Variants in ST3GAL1 observed in about 807,000 individuals in gnomAD.
The protein encoded by ST3GAL1 is ST3 beta-galactoside alpha-2,3-sialyltransferase 1, also known as CMP-N-acetylneuraminate-beta-galactosamide-alpha-2,3-sialyltransferase 1.
A neutral mutation model predicts 34.1 loss-of-function variants in ST3GAL1; 16 were observed. That is an observed-to-expected ratio of 0.47 (90% CI 0.32 to 0.71). The LOEUF (loss-of-function observed/expected upper bound fraction) is 0.71, where lower values mean the gene tolerates loss of function less well. ST3GAL1 is among the 30% of genes least tolerant of loss of function. The pLI is 0.04. For missense variants in ST3GAL1, 353 were observed against 447.4 expected (o/e 0.79, Z 1.90); for synonymous variants, 191 against 184.7 (o/e 1.03, Z -0.28).
intron 2 of ST3GAL1, among the ~76,000 whole-genome samples, chr8:133,503,686 C>T (rs928015600): frequency 2.6e-5 from 4 of 152,082 alleles, no homozygotes; most frequent in African/African-American, 7.2e-5. Context: ...TAGGCCTTAT[C>T]GTTAACAAGG....
chr8:133,488,690 G>A (rs1344270503), intron 3 of ST3GAL1, among the ~76,000 whole-genome samples: 2 of 152,260 alleles, frequency 1.3e-5, no homozygotes, highest in Non-Finnish European at 2.9e-5. Flanking sequence ...TGATGTCTGG[G>A]GGAAGTGGTA....
intron 3 of ST3GAL1, chr8:133,487,938 A>G (rs1480240795): frequency 6.7e-6 from 1 of 148,790 alleles, no homozygotes; most frequent in Middle Eastern, 3.2e-3. Context: ...ACTGCATTCT[A>G]GCCTGGGCAA....
intron 1 of ST3GAL1, among the ~76,000 whole-genome samples, chr8:133,557,410 C>T (rs527993900): frequency 6.6e-6 from 1 of 152,246 alleles, no homozygotes; most frequent in East Asian, 1.9e-4. Context: ...TCTAGGGCAC[C>T]CTGAGCAGCC....
intron 2 of ST3GAL1, among the ~76,000 whole-genome samples, chr8:133,522,580 C>T (rs1001428593): frequency 1.3e-5 from 2 of 152,142 alleles, no homozygotes; most frequent in Non-Finnish European, 2.9e-5. Context: ...TACCCTGTAC[C>T]CCAGCTGGTC....
At chr8:133,495,093 T>A (rs531811460) in intron 3 of ST3GAL1, among the ~76,000 whole-genome samples, 1 of 152,044 alleles carries the variant, frequency 6.6e-6, no homozygotes, top group Admixed American at 6.6e-5. Flanking sequence ...TAATTTTTTG[T>A]GTTTTTAGTA....
intron 2 of ST3GAL1, among the ~76,000 whole-genome samples, chr8:133,522,368 G>T (rs1379648812): frequency 6.6e-6 from 1 of 152,180 alleles, no homozygotes; most frequent in Admixed American, 6.5e-5. Flanking sequence ...GGCACAGAAG[G>T]TTCCCTGCTT....
intron 1 of ST3GAL1, among the ~76,000 whole-genome samples, chr8:133,555,277 C>T (rs1156810381): frequency 6.6e-6 from 1 of 152,160 alleles, no homozygotes; most frequent in East Asian, 1.9e-4. Flanking sequence ...GAACAGCACG[C>T]TTCCCTGGTG....
chr8:133,518,252 A>C (rs913332226), intron 2 of ST3GAL1, among the ~76,000 whole-genome samples: 4 of 152,312 alleles, frequency 2.6e-5, no homozygotes, highest in African/African-American at 4.8e-5. Flanking sequence ...TGTACTGCTA[A>C]GGGAGAGGCC....
intron 1 of ST3GAL1, among the ~76,000 whole-genome samples, chr8:133,558,296 T>C (rs1443232003): frequency 6.6e-6 from 1 of 152,204 alleles, no homozygotes; most frequent in African/African-American, 2.4e-5. Flanking sequence ...GGTCCAAGTG[T>C]TAACTCATTG....
At chr8:133,501,437 A>C (rs1277995495) in intron 2 of ST3GAL1, among the ~76,000 whole-genome samples, 3 of 152,146 alleles carry the variant, frequency 2.0e-5, no homozygotes, top group Non-Finnish European at 4.4e-5. Context: ...GGAATCTATA[A>C]GAACATTTAT....
At chr8:133,478,256 G>T (rs575906547) in intron 3 of ST3GAL1, among the ~76,000 whole-genome samples, 1 of 152,198 alleles carries the variant, frequency 6.6e-6, no homozygotes, top group South Asian at 2.1e-4. Context: ...CACTTGACTG[G>T]CAGAGGGTTC....
intron 3 of ST3GAL1, among the ~76,000 whole-genome samples, chr8:133,495,093 T>G (rs531811460): frequency 6.6e-6 from 1 of 151,926 alleles, no homozygotes; most frequent in Non-Finnish European, 1.5e-5. Context: ...TAATTTTTTG[T>G]GTTTTTAGTA....
intron 7 of ST3GAL1, among the ~76,000 whole-genome samples, chr8:133,464,093 A>G (rs1815630747): frequency 6.6e-6 from 1 of 152,124 alleles, no homozygotes; most frequent in South Asian, 2.1e-4. Flanking sequence ...GCTTGTGGAA[A>G]CCTGGACATC....
intron 2 of ST3GAL1, among the ~76,000 whole-genome samples, chr8:133,529,216 G>A (rs554804231): frequency 5.2e-4 from 79 of 152,312 alleles, no homozygotes; most frequent in Middle Eastern, 3.4e-3. Flanking sequence ...TTAAGGTGAC[G>A]CAGATGGAGA....
At chr8:133,483,621 G>A (rs954920825) in intron 3 of ST3GAL1, among the ~76,000 whole-genome samples, 2 of 151,382 alleles carry the variant, frequency 1.3e-5, no homozygotes, top group Non-Finnish European at 2.9e-5. Context: ...GATTCTGGCC[G>A]AATTCATTAT....
intron 2 of ST3GAL1, among the ~76,000 whole-genome samples, chr8:133,503,907 G>A (rs755515638): frequency 2.6e-5 from 4 of 152,222 alleles, no homozygotes; most frequent in Non-Finnish European, 5.9e-5. Context: ...AGAATCAAGT[G>A]CTGCTCTTTC....
chr8:133,537,947 A>G (rs1310614694), intron 2 of ST3GAL1, among the ~76,000 whole-genome samples: 2 of 152,118 alleles, frequency 1.3e-5, no homozygotes, highest in Admixed American at 6.5e-5. Context: ...CTAGCCAACA[A>G]CTGAGAAGAG....
chr8:133,511,147 T>A (rs1817488985), intron 2 of ST3GAL1, among the ~76,000 whole-genome samples: 2 of 152,196 alleles, frequency 1.3e-5, no homozygotes. Context: ...TAAATACTCA[T>A]CTTAGGGGTT....
Position 133,533,136 on chromosome 8 carries a change from A to T in ST3GAL1, c.-429+12638T>A, listed in dbSNP as rs956454702. 5.9e-5 allele frequency among the ~76,000 whole-genome samples: 9 copies of T among 152,280 alleles called. 1 individual carries two copies. In the Middle Eastern group the frequency reaches 0.01, roughly 173 times the overall value. On this transcript the variant is annotated intron_variant, in intron 2 of 9. Coordinates refer to ENST00000522652, the MANE Select transcript of ST3GAL1 (RefSeq NM_173344.3). ...GATTTCCATGGAATGTGGGCCTTCT[A>T]GTCCCCCAGCGCCCCCGCAGTCCAA...
Sources: gnomAD v4.1 joint callset for allele counts (sites outside exome capture counted in the v4.1 genomes callset) on GRCh38, gnomAD v4.1.1 for gene constraint, MANE v1.5 for transcripts, NCBI Gene and HGNC (gene_info 2026-07-23, HGNC 2026-07-21) for gene names.